Variants in FOXO3 observed in about 807,000 individuals in gnomAD.
The protein encoded by FOXO3 is forkhead box protein O3.
A neutral mutation model predicts 41.9 loss-of-function variants in FOXO3; 4 were observed. The ratio of observed to expected loss-of-function variants is 0.10; its 90% CI spans 0.05 to 0.22. The LOEUF (loss-of-function observed/expected upper bound fraction) is 0.22. FOXO3 is among the 10% of genes least tolerant of loss of function. FOXO3 has a pLI of 1.00. For missense variants in FOXO3, 534 were observed against 906.8 expected (o/e 0.59, Z 5.28); for synonymous variants, 318 against 389.3 (o/e 0.82, Z 2.16).
chr6:108,672,603 TA>T (rs1779247598), intron 2 of FOXO3, among the ~76,000 whole-genome samples: 1 of 152,228 alleles, frequency 6.6e-6, no homozygotes, highest in Admixed American at 6.5e-5. Flanking sequence ...TAAAGAATAG[TA>T]TCACTTAGTC....
At chr6:108,649,848 G>A (rs990227583) in intron 1 of FOXO3, among the ~76,000 whole-genome samples, 8 of 152,056 alleles carry the variant, frequency 5.3e-5, no homozygotes, top group African/African-American at 1.2e-4. Flanking sequence ...GTTACTTGAC[G>A]TTTGTTGTGT....
intron 1 of FOXO3, among the ~76,000 whole-genome samples, chr6:108,567,999 G>A (rs958817371): frequency 1.3e-5 from 2 of 151,732 alleles, no homozygotes; most frequent in Admixed American, 1.3e-4. Flanking sequence ...AGTGAGCCAA[G>A]ATTGTGCCGT....
Position 108,679,021 on chromosome 6 carries a change from G to A in FOXO3, c.*35-806G>A, listed in dbSNP as rs559614536. Among the ~76,000 whole-genome samples the A allele has an allele frequency of 3.0e-4, 46 of 151,794 alleles. No individual in the cohort carries two copies. In the Middle Eastern group the frequency reaches 0.017, roughly 57 times the overall value. The stretch of plus-strand genomic sequence containing the variant: ...CGAGTAGCTGGGACTACAGGTGCCC[G>A]CCACCGCGCCCGGCTAATTTTTTGT... On this transcript the variant is annotated intron_variant, in intron 2 of 2. Transcript: ENST00000406360.
At chr6:108,615,890 T>C (rs1017927658) in intron 1 of FOXO3, among the ~76,000 whole-genome samples, 4 of 152,122 alleles carry the variant, frequency 2.6e-5, no homozygotes, top group African/African-American at 9.7e-5. Flanking sequence ...TTAAATTTAT[T>C]TTTCTTTACT....
At chr6:108,640,473 G>A (rs1029059599) in intron 1 of FOXO3, among the ~76,000 whole-genome samples, 8 of 151,976 alleles carry the variant, frequency 5.3e-5, no homozygotes, top group Admixed American at 4.6e-4. Flanking sequence ...GCACATACTT[G>A]TATTAAATAA....
rs2128394980 is a variant in FOXO3 at position 108,683,007 on chromosome 6, C to G, written c.*3215C>G. On this transcript the variant is annotated 3_prime_UTR_variant, in exon 3 of 3. Transcript: ENST00000406360. ...GAGCTTTATCACAAGCCTTCACTGT[C>G]CTGGCATGAGAACTGGCTGCCAGGC... 1 of 152,782 alleles carries G rather than the reference C, an allele frequency of 6.5e-6. No individual in the cohort carries two copies. The highest frequency in any genetic ancestry group is 1.9e-4 in the East Asian group (1 of 5,188). 9.5% of individuals were successfully genotyped at this position (152,782 alleles called of 1,614,324 possible). A position where few individuals can be genotyped will look rare whatever the true frequency, so the allele number is the denominator to read the frequency against.
chr6:108,638,030 A>C (rs1263760434), intron 1 of FOXO3, among the ~76,000 whole-genome samples: 1 of 152,264 alleles, frequency 6.6e-6, no homozygotes, highest in East Asian at 1.9e-4. Flanking sequence ...TAAAAATGTC[A>C]AAATGGTTAA....
At position 108,664,867 on chromosome 6, in the gene FOXO3, G is replaced by A. The variant is rs1582830578; in HGVS notation, c.*12G>A. 5 of 1,592,714 alleles carry A rather than the reference G, an allele frequency of 3.1e-6. No individual in the cohort carries two copies. Among genetic ancestry groups the A allele is most frequent in the East Asian group, 4.5e-5 (2 of 44,768 alleles). On this transcript the variant is annotated 3_prime_UTR_variant, in exon 2 of 3. Coordinates refer to ENST00000406360, the MANE Select transcript of FOXO3 (RefSeq NM_001455.4). ...GGGTGCCAGGCTGAAGGATCACTGA[G>A]GAAGGGGAAGTGGGCAAAGCAGGTC...
chr6:108,571,660 T>C (rs1036555583), intron 1 of FOXO3, among the ~76,000 whole-genome samples: 1 of 152,172 alleles, frequency 6.6e-6, no homozygotes, highest in Admixed American at 6.5e-5. Context: ...CAGAAGCTGG[T>C]AGGGGCAAGA....
At chr6:108,564,153 T>G (rs1775890281) in intron 1 of FOXO3, among the ~76,000 whole-genome samples, 1 of 152,242 alleles carries the variant, frequency 6.6e-6, no homozygotes, top group Non-Finnish European at 1.5e-5. Flanking sequence ...TAAAGGGATA[T>G]AATTTTGTTA....
intron 1 of FOXO3, among the ~76,000 whole-genome samples, chr6:108,593,985 C>G (rs1319265819): frequency 6.6e-6 from 1 of 152,012 alleles, no homozygotes; most frequent in Non-Finnish European, 1.5e-5. Context: ...TCCCAAAGTC[C>G]TGGAATTACA....
At chr6:108,650,214 CTAA>C (rs1778510133) in intron 1 of FOXO3, among the ~76,000 whole-genome samples, 1 of 152,102 alleles carries the variant, frequency 6.6e-6, no homozygotes, top group African/African-American at 2.4e-5. Context: ...TCACTGACTG[CTAA>C]TATGGTGGGA....
intron 2 of FOXO3, among the ~76,000 whole-genome samples, chr6:108,669,081 G>C (rs1239608667): frequency 6.6e-6 from 1 of 152,088 alleles, no homozygotes; most frequent in Non-Finnish European, 1.5e-5. Flanking sequence ...CCACTGCACT[G>C]CAGCCTGGGT....
At chr6:108,568,389 C>T (rs981921279) in intron 1 of FOXO3, among the ~76,000 whole-genome samples, 4 of 152,060 alleles carry the variant, frequency 2.6e-5, no homozygotes, top group South Asian at 2.1e-4. Flanking sequence ...GCACTGGAGT[C>T]GCTGTGTTTC....
At chr6:108,649,953 A>C (rs527731102) in intron 1 of FOXO3, among the ~76,000 whole-genome samples, 3 of 152,120 alleles carry the variant, frequency 2.0e-5, no homozygotes, top group Non-Finnish European at 4.4e-5. Flanking sequence ...AATGGCCCCC[A>C]TATATTTAAT....
chr6:108,661,459 A>C (rs1399992123), intron 1 of FOXO3, among the ~76,000 whole-genome samples: 1 of 152,192 alleles, frequency 6.6e-6, no homozygotes, highest in Non-Finnish European at 1.5e-5. Flanking sequence ...GATGTGGAGC[A>C]TACAGATTCA....
intron 1 of FOXO3, among the ~76,000 whole-genome samples, chr6:108,649,840 T>C (rs1778500243): frequency 6.6e-6 from 1 of 152,166 alleles, no homozygotes; most frequent in Non-Finnish European, 1.5e-5. Flanking sequence ...AGTTGTGTGT[T>C]ACTTGACGTT....
chr6:108,643,171 G>A (rs183152076), intron 1 of FOXO3, among the ~76,000 whole-genome samples: 25 of 152,304 alleles, frequency 1.6e-4, no homozygotes, highest in Non-Finnish European at 3.4e-4. Context: ...GAATAGTGCT[G>A]TTCTACAGAG....
intron 1 of FOXO3, among the ~76,000 whole-genome samples, chr6:108,597,693 C>T (rs1056064569): frequency 5.9e-5 from 9 of 152,216 alleles, no homozygotes; most frequent in African/African-American, 1.9e-4. Context: ...TTTATACTGA[C>T]GTCTGCAGGC....
Sources: gnomAD v4.1 joint callset for allele counts (sites outside exome capture counted in the v4.1 genomes callset) on GRCh38, gnomAD v4.1.1 for gene constraint, MANE v1.5 for transcripts, NCBI Gene and HGNC (gene_info 2026-07-23, HGNC 2026-07-21) for gene names.